The following MAP3K3 variants were observed in gnomAD, a reference collection of about 807,000 sequenced individuals.
MAP3K3 encodes mitogen-activated protein kinase kinase kinase 3.
Under a neutral mutation model 80.9 loss-of-function variants are expected in MAP3K3, and 12 were observed. The ratio of observed to expected loss-of-function variants is 0.15; its 90% CI spans 0.10 to 0.24. The LOEUF is 0.24. MAP3K3 is among the 10% of genes least tolerant of loss of function. The probability of loss-of-function intolerance (pLI) is 1.00; values close to 1 mark genes in which losing one functional copy is unlikely to be tolerated. For missense variants in MAP3K3, 596 were observed against 834.7 expected, an observed-to-expected ratio of 0.71 and a Z score of 3.52; for synonymous variants, 272 against 307.1, an observed-to-expected ratio of 0.89 and a Z score of 1.19.
At chr17:63,660,088 T>G (rs1191377984) in intron 5 of MAP3K3, among the ~76,000 whole-genome samples, 2 of 152,244 alleles carry the variant, frequency 1.3e-5, no homozygotes, top group Non-Finnish European at 2.9e-5. Context: ...CAGGATACTA[T>G]ATCACCTGGT....
At chr17:63,658,047 C>A in intron 5 of MAP3K3, 140 bp downstream of exon 5, 1 of 426,710 alleles carries the variant, frequency 2.3e-6, no homozygotes, top group Non-Finnish European at 4.2e-6. Context: ...GCCCACTTGT[C>A]AGTGGCCAGT....
Position 63,622,779 on chromosome 17 carries a change from G to GC in MAP3K3, c.4+20dup. 1.9e-6 allele frequency: 1 copy of GC among 515,540 alleles called. No homozygotes were observed. Among genetic ancestry groups the GC allele is most frequent in the Non-Finnish European group, 3.7e-6 (1 of 266,986 alleles). 31.9% of individuals were successfully genotyped at this position (515,540 alleles called of 1,614,324 possible). On this transcript the variant is annotated intron_variant, in intron 1 of 15. Coordinates refer to ENST00000361733, the MANE Select transcript of MAP3K3 (RefSeq NM_002401.5). ...GCCACCATGGGTAAGTGTCGCCACCGCCCCGGCCTGTGCCCGCGCTGCTTC... is the reference window on the plus strand; with the variant it reads ...GCCACCATGGGTAAGTGTCGCCACCGCCCCCGGCCTGTGCCCGCGCTGCTTC...
intron 4 of MAP3K3, among the ~76,000 whole-genome samples, chr17:63,656,937 C>T (rs1243552495): frequency 1.3e-5 from 2 of 152,138 alleles, no homozygotes; most frequent in African/African-American, 4.8e-5. Flanking sequence ...ACACATCCTT[C>T]ATATGGCGAC....
At chr17:63,684,659 A>T (rs1309833472) in intron 7 of MAP3K3, among the ~76,000 whole-genome samples, 4 of 152,168 alleles carry the variant, frequency 2.6e-5, no homozygotes, top group East Asian at 1.9e-4. Flanking sequence ...AAAATTAATT[A>T]AAAAAATATT....
intron 4 of MAP3K3, among the ~76,000 whole-genome samples, chr17:63,656,184 T>G (rs773906536): frequency 6.6e-6 from 1 of 152,006 alleles, no homozygotes; most frequent in Non-Finnish European, 1.5e-5. Flanking sequence ...GAGCCGAGAT[T>G]GTGCCACTGC....
intron 2 of MAP3K3, 69 bp downstream of exon 2, chr17:63,632,871 A>C (rs1180537944): frequency 2.5e-6 from 4 of 1,595,836 alleles, no homozygotes; most frequent in African/African-American, 1.3e-5. Flanking sequence ...AAATATACGA[A>C]AAGCCAAGGA....
At chr17:63,628,452 C>G (rs897603371) in intron 1 of MAP3K3, among the ~76,000 whole-genome samples, 2 of 151,710 alleles carry the variant, frequency 1.3e-5, no homozygotes, top group Admixed American at 6.6e-5. Flanking sequence ...CCTCCGCCTC[C>G]CAGCTTGAAG....
chr17:63,691,043 AC>A lies in MAP3K3; in HGVS notation c.1213-56del. 6.2e-7 allele frequency: 1 copy of A among 1,607,080 alleles called. No individual in the cohort carries two copies. Among genetic ancestry groups the A allele is most frequent in the Non-Finnish European group, 8.5e-7 (1 of 1,176,488 alleles). ...CACTAACTAGGGCAAGCTGAGCTGA[AC>A]CCAGGCGGGCAGAACTAGGGCCCTG... is the stretch of plus-strand genomic sequence containing the variant. On this transcript the variant is annotated intron_variant, in intron 12 of 15. Coordinates refer to ENST00000361733, the MANE Select transcript of MAP3K3 (RefSeq NM_002401.5). This position sits in a 1 kb window ranked among gnomAD's most constrained non-coding sequence, Gnocchi z 4.8.
At chr17:63,683,747 A>G (rs373234686) in intron 7 of MAP3K3, among the ~76,000 whole-genome samples, 3 of 152,190 alleles carry the variant, frequency 2.0e-5, no homozygotes, top group African/African-American at 7.2e-5. Flanking sequence ...AAGTGAAAAT[A>G]TGATAAGTTT....
chr17:63,625,612 C>T (rs1466059985), intron 1 of MAP3K3, among the ~76,000 whole-genome samples: 2 of 152,094 alleles, frequency 1.3e-5, no homozygotes, highest in African/African-American at 4.8e-5. Flanking sequence ...TAGGAGCTCC[C>T]TGTTAGAATA....
intron 3 of MAP3K3, among the ~76,000 whole-genome samples, chr17:63,647,968 A>C (rs1462867052): frequency 6.6e-6 from 1 of 152,162 alleles, no homozygotes; most frequent in African/African-American, 2.4e-5. Flanking sequence ...CTTTCCCTTT[A>C]CTTTGAGAAT....
chr17:63,672,428 G>T (rs183587692), intron 6 of MAP3K3, among the ~76,000 whole-genome samples: 128 of 152,252 alleles, frequency 8.4e-4, no homozygotes, highest in African/African-American at 3.0e-3. Context: ...GGTTCCAGGT[G>T]CTGGGAAGGG....
chr17:63,681,951 C>T, intron 7 of MAP3K3, 52 bp downstream of exon 7: 1 of 1,320,208 alleles, frequency 7.6e-7, no homozygotes, highest in Middle Eastern at 2.0e-4. Context: ...GCAGACCAAG[C>T]TCATAACAAG....
intron 1 of MAP3K3, among the ~76,000 whole-genome samples, chr17:63,628,751 C>G (rs1410048713): frequency 6.6e-6 from 1 of 152,106 alleles, no homozygotes; most frequent in Non-Finnish European, 1.5e-5. Context: ...TCTTTTAAAA[C>G]TTTCTAATGT....
chr17:63,635,855 AAG>A (rs2034312663), intron 2 of MAP3K3, among the ~76,000 whole-genome samples: 1 of 152,222 alleles, frequency 6.6e-6, no homozygotes, highest in African/African-American at 2.4e-5. Flanking sequence ...TTAAATGGTG[AAG>A]AGTTGCCAAA....
intron 8 of MAP3K3, among the ~76,000 whole-genome samples, chr17:63,687,203 TA>T (rs2035469752): frequency 2.0e-5 from 2 of 99,800 alleles, no homozygotes; most frequent in Admixed American, 1.9e-4. Flanking sequence ...CCGTCTCTAC[TA>T]AAAATGAAAA....
chr17:63,624,897 T>C (rs932297168), intron 1 of MAP3K3, among the ~76,000 whole-genome samples: 2 of 152,172 alleles, frequency 1.3e-5, no homozygotes. Flanking sequence ...TGAGGATATG[T>C]ATACACAGAT....
chr17:63,673,070 A>G (rs1043953569), intron 6 of MAP3K3, among the ~76,000 whole-genome samples: 9 of 152,336 alleles, frequency 5.9e-5, no homozygotes, highest in African/African-American at 2.2e-4. Flanking sequence ...GTGAGTCTGC[A>G]GCAAGCAGGC....
chr17:63,690,190 C>A, intron 11 of MAP3K3, 74 bp from the exon 12 acceptor site: 1 of 1,517,624 alleles, frequency 6.6e-7, no homozygotes, highest in Non-Finnish European at 8.9e-7. Context: ...GCCAGAGACC[C>A]TGTTCCTGGA....
Sources: allele counts gnomAD v4.1 joint callset (sites outside exome capture counted in the v4.1 genomes callset), GRCh38; gene constraint gnomAD v4.1.1; non-coding constraint Gnocchi (gnomAD v3.1); transcripts MANE v1.5; gene names NCBI Gene and HGNC (gene_info 2026-07-23, HGNC 2026-07-21).